Variants in NEXMIF observed in about 807,000 individuals in gnomAD.
NEXMIF encodes the protein XLMR protein related to neurite extension.
In NEXMIF, 8 loss-of-function variants were observed where a neutral mutation model predicts 62.1. That is an observed-to-expected ratio of 0.13 (90% confidence interval 0.08 to 0.23). NEXMIF has a LOEUF of 0.23. NEXMIF is among the 10% of genes least tolerant of loss of function. The pLI, the probability that NEXMIF is intolerant of heterozygous loss-of-function variation, is 1.00. For missense variants in NEXMIF, 976 were observed against 1,113.3 expected, an observed-to-expected ratio of 0.88 and a Z score of 1.75; for synonymous variants, 404 against 416.6, an observed-to-expected ratio of 0.97 and a Z score of 0.37.
chrX:74,864,674 C>A (rs139132940), intron 1 of NEXMIF, among the ~76,000 whole-genome samples: 1 of 111,697 alleles, frequency 9.0e-6, no homozygotes, highest in Non-Finnish European at 1.9e-5. Flanking sequence ...GTCCATTAAA[C>A]CTTTTTCCTT....
At chrX:74,875,539 C>G (rs1174045085) in intron 1 of NEXMIF, among the ~76,000 whole-genome samples, 3 of 111,888 alleles carry the variant, frequency 2.7e-5, no homozygotes, top group Non-Finnish European at 5.6e-5. Context: ...CCCTCTTTTT[C>G]TATTGATTGG....
intron 1 of NEXMIF, among the ~76,000 whole-genome samples, chrX:74,885,566 C>G (rs1339557629): frequency 5.4e-5 from 6 of 111,080 alleles, no homozygotes; most frequent in Admixed American, 9.6e-5. Context: ...ATAAATTCCT[C>G]GACACATACA....
chrX:74,856,441 T>C (rs778799301), intron 1 of NEXMIF, among the ~76,000 whole-genome samples: 65 of 111,656 alleles, frequency 5.8e-4, no homozygotes, highest in African/African-American at 2.1e-3. Flanking sequence ...AACCATCTAG[T>C]GCCCCAACAT....
At chrX:74,883,958 A>C (rs779224014) in intron 1 of NEXMIF, among the ~76,000 whole-genome samples, 38 of 112,407 alleles carry the variant, frequency 3.4e-4, no homozygotes, top group East Asian at 1.1e-3. Flanking sequence ...TCTGCAGAAA[A>C]TCTACAAGCC....
Position 74,740,446 on chromosome X carries a change from C to T in NEXMIF, c.4111G>A (p.Ala1371Thr), listed in dbSNP as rs1478260486. ...SLKLKTLKIL[A>T]GTPQESKKKI... ...TTCTTAGACTCCTGTGGTGTCCCAG[C>T]CAATATTTTGAGGGTTTTTAATTTT... is the stretch of plus-strand genomic sequence containing the variant. The change falls in exon 3 of 4, where the codon GCT (alanine) becomes ACT (threonine). Residue 1371 changes from alanine (A) to threonine (T), a missense_variant. Coordinates refer to ENST00000055682, the MANE Select transcript of NEXMIF (RefSeq NM_001008537.3). The T allele has an allele frequency of 8.3e-7, 1 of 1,208,906 alleles. No individual in the cohort carries two copies. Among genetic ancestry groups the T allele is most frequent in the Non-Finnish European group, 1.1e-6 (1 of 894,866 alleles).
At chrX:74,846,755 G>A (rs1051914026) in intron 1 of NEXMIF, among the ~76,000 whole-genome samples, 17 of 111,909 alleles carry the variant, frequency 1.5e-4, no homozygotes, top group African/African-American at 5.2e-4. Flanking sequence ...TGTTCTATGT[G>A]CTATATTGGG....
chrX:74,843,425 G>C (rs1387804817), intron 1 of NEXMIF, among the ~76,000 whole-genome samples: 1 of 102,399 alleles, frequency 9.8e-6, no homozygotes, highest in Non-Finnish European at 2.0e-5. Context: ...TTTTTTTTTT[G>C]TTTGTTTGAG....
intron 1 of NEXMIF, among the ~76,000 whole-genome samples, chrX:74,790,388 A>G (rs1293086062): frequency 3.5e-5 from 4 of 113,476 alleles, no homozygotes; most frequent in Non-Finnish European, 7.5e-5. Flanking sequence ...GCCTTGTAGT[A>G]CAGTTTGAAG....
chrX:74,745,729 T>A, intron 1 of NEXMIF, 32 bp from the exon 2 acceptor site: 1 of 643,619 alleles, frequency 1.6e-6, no homozygotes, highest in Non-Finnish European at 2.5e-6. Flanking sequence ...TATCAGTCAT[T>A]AAATTTGTTT....
intron 1 of NEXMIF, among the ~76,000 whole-genome samples, chrX:74,843,629 T>C (rs981338330): frequency 7.2e-5 from 8 of 111,180 alleles, no homozygotes; most frequent in African/African-American, 2.6e-4. Context: ...TTAGGGAGGA[T>C]GGTGTTGATC....
intron 1 of NEXMIF, among the ~76,000 whole-genome samples, chrX:74,874,936 C>T (rs1420750945): frequency 2.0e-4 from 22 of 110,289 alleles, no homozygotes; most frequent in African/African-American, 6.7e-4. Flanking sequence ...ATGTCATCTG[C>T]AAACAGGGAC....
intron 1 of NEXMIF, among the ~76,000 whole-genome samples, chrX:74,881,392 G>GCACACATACACA (rs1556037977): frequency 2.5e-4 from 22 of 88,576 alleles, no homozygotes; most frequent in Admixed American, 2.4e-3. Context: ...ACATACACAT[G>GCACACATACACA]CACACACACA....
Position 74,762,490 on chromosome X carries a change from C to G in NEXMIF, c.-47-16793G>C, listed in dbSNP as rs144572667. 4.5e-3 allele frequency among the ~76,000 whole-genome samples: 502 copies of G among 111,370 alleles called. 4 individuals carry two copies. The highest frequency in any genetic ancestry group is 0.015 in the African/African-American group (467 of 30,657). ...GTGGGTATATACCCAGTTATGGGAT[C>G]GCTGGGTCAAATGGTATTTCTAGTT... On this transcript the variant is annotated intron_variant, in intron 1 of 3. Transcript: ENST00000055682.
At chrX:74,895,998 A>C (rs2080731826) in intron 1 of NEXMIF, among the ~76,000 whole-genome samples, 1 of 111,074 alleles carries the variant, frequency 9.0e-6, no homozygotes, top group Admixed American at 9.6e-5. Context: ...TTAGGTGGCA[A>C]AGAAACAAAG....
chrX:74,873,245 GT>G (rs1219887469), intron 1 of NEXMIF, among the ~76,000 whole-genome samples: 7 of 110,747 alleles, frequency 6.3e-5, no homozygotes, highest in African/African-American at 2.3e-4. Context: ...GCGGTGTTTG[GT>G]TTTTTGTTCT....
intron 1 of NEXMIF, among the ~76,000 whole-genome samples, chrX:74,793,687 T>G (rs1188302263): frequency 8.6e-5 from 9 of 104,176 alleles, no homozygotes; most frequent in African/African-American, 2.8e-4. Flanking sequence ...TTTTATTCTT[T>G]TTTCTCTAAA....
chrX:74,859,233 C>G (rs1461679090), intron 1 of NEXMIF, among the ~76,000 whole-genome samples: 5 of 111,348 alleles, frequency 4.5e-5, no homozygotes, highest in African/African-American at 1.6e-4. Context: ...TTCCAAAGGT[C>G]AGGGATAAAG....
chrX:74,861,104 A>G (rs1226019766), intron 1 of NEXMIF, among the ~76,000 whole-genome samples: 3 of 111,941 alleles, frequency 2.7e-5, no homozygotes, highest in African/African-American at 9.7e-5. Flanking sequence ...ATGATAAAAC[A>G]TTATAAGAGC....
intron 1 of NEXMIF, among the ~76,000 whole-genome samples, chrX:74,787,345 T>G (rs928441585): frequency 9.0e-6 from 1 of 110,670 alleles, no homozygotes; most frequent in African/African-American, 3.3e-5. Context: ...CTTCTCTACT[T>G]GATCAATACC....
Sources: allele counts gnomAD v4.1 joint callset (sites outside exome capture counted in the v4.1 genomes callset), GRCh38; gene constraint gnomAD v4.1.1; transcripts MANE v1.5; gene names NCBI Gene and HGNC (gene_info 2026-07-23, HGNC 2026-07-21).